SLC35F3: variants seen among roughly 807,000 people sequenced by gnomAD.
The protein encoded by SLC35F3 is putative thiamine transporter SLC35F3.
SLC35F3 carries 25 observed loss-of-function variants against 49.9 expected under a neutral mutation model. The ratio of observed to expected loss-of-function variants is 0.50; its 90% CI spans 0.37 to 0.70. The LOEUF is 0.70. Among genes scored for constraint, SLC35F3 ranks in the 30% least tolerant of loss-of-function variants. The pLI is 0.00. For synonymous variants in SLC35F3, 275 were observed against 265.4 expected, an observed-to-expected ratio of 1.04 and a Z score of -0.35; for missense variants, 525 against 639.8, an observed-to-expected ratio of 0.82 and a Z score of 1.94.
chr1:234,005,709 C>T (rs927872181), intron 2 of SLC35F3, among the ~76,000 whole-genome samples: 3 of 152,136 alleles, frequency 2.0e-5, no homozygotes, highest in Non-Finnish European at 4.4e-5. Flanking sequence ...CAGGAAGAGG[C>T]GCCCTAACCT....
At chr1:233,910,021 A>T (rs1030726720) in intron 2 of SLC35F3, among the ~76,000 whole-genome samples, 5 of 152,188 alleles carry the variant, frequency 3.3e-5, no homozygotes, top group African/African-American at 7.2e-5. Context: ...TGTCTTCTGA[A>T]GATTTGAAAG....
chr1:234,258,204 G>T (rs747254056), intron 3 of SLC35F3, among the ~76,000 whole-genome samples: 1 of 152,188 alleles, frequency 6.6e-6, no homozygotes, highest in African/African-American at 2.4e-5. Flanking sequence ...CTGATTTGTT[G>T]AGTTAAGGAT....
At chr1:234,307,671 G>A (rs958425063) in intron 3 of SLC35F3, among the ~76,000 whole-genome samples, 6 of 152,194 alleles carry the variant, frequency 3.9e-5, no homozygotes, top group East Asian at 3.9e-4. Context: ...TTTTGTTCTC[G>A]TGGCAGTTCA....
At chr1:233,921,566 C>T (rs1662059919) in intron 2 of SLC35F3, among the ~76,000 whole-genome samples, 1 of 152,194 alleles carries the variant, frequency 6.6e-6, no homozygotes, top group African/African-American at 2.4e-5. Flanking sequence ...TCCCCTCAAA[C>T]CCTCTCTGGC....
chr1:234,185,413 T>C (rs771246163), intron 2 of SLC35F3, among the ~76,000 whole-genome samples: 3 of 152,352 alleles, frequency 2.0e-5, no homozygotes, highest in Non-Finnish European at 4.4e-5. Flanking sequence ...GAAAAGTGAA[T>C]GTTCTAGGAG....
chr1:233,915,912 A>G (rs1661961091), intron 2 of SLC35F3, among the ~76,000 whole-genome samples: 1 of 152,192 alleles, frequency 6.6e-6, no homozygotes, highest in South Asian at 2.1e-4. Flanking sequence ...TCCCTCCCAC[A>G]ACATGTGGGA....
intron 2 of SLC35F3, among the ~76,000 whole-genome samples, chr1:234,017,257 A>G (rs940694448): frequency 1.3e-5 from 2 of 152,172 alleles, no homozygotes; most frequent in Admixed American, 1.3e-4. Flanking sequence ...AATAATTCTC[A>G]TTATTCAAGT....
chr1:234,129,290 G>A (rs531835188), intron 2 of SLC35F3, among the ~76,000 whole-genome samples: 4 of 152,276 alleles, frequency 2.6e-5, no homozygotes, highest in African/African-American at 9.6e-5. Context: ...AATGAGATGT[G>A]TATACCTTTA....
At chr1:233,944,076 T>C (rs1458876283) in intron 2 of SLC35F3, among the ~76,000 whole-genome samples, 1 of 152,042 alleles carries the variant, frequency 6.6e-6, no homozygotes, top group Non-Finnish European at 1.5e-5. Flanking sequence ...AAATGCCCTA[T>C]CCAAAAGCTA....
rs561768407 is a variant in SLC35F3, at chr1:234,209,215, A to G, written c.284-22202A>G. On this transcript the variant is annotated intron_variant, in intron 2 of 7. Coordinates refer to ENST00000366618, the MANE Select transcript of SLC35F3 (RefSeq NM_173508.4). ...TTGCCATTGATATGTCAGGGGTCTCAGCTCTCTTTTTTGGAAGAATTATTA... is the reference window on the plus strand; with the variant it reads ...TTGCCATTGATATGTCAGGGGTCTCGGCTCTCTTTTTTGGAAGAATTATTA... Among the ~76,000 whole-genome samples the G allele has an allele frequency of 4.2e-3, 639 of 152,302 alleles. 6 individuals are homozygous for G. The highest frequency in any genetic ancestry group is 5.9e-3 in the Non-Finnish European group (398 of 68,022).
intron 2 of SLC35F3, among the ~76,000 whole-genome samples, chr1:233,972,458 G>A (rs1166813675): frequency 2.0e-5 from 3 of 152,170 alleles, no homozygotes; most frequent in African/African-American, 7.2e-5. Context: ...GCACAGCTGG[G>A]ATTGAGTCCT....
intron 2 of SLC35F3, among the ~76,000 whole-genome samples, chr1:233,967,494 A>G (rs1042766487): frequency 1.6e-4 from 24 of 152,202 alleles, no homozygotes; most frequent in Non-Finnish European, 4.4e-5. Flanking sequence ...AGGAAATGTA[A>G]AATAAATTTG....
At chr1:234,261,187 CAAGA>C (rs1667898840) in intron 3 of SLC35F3, among the ~76,000 whole-genome samples, 1 of 151,732 alleles carries the variant, frequency 6.6e-6, no homozygotes, top group East Asian at 1.9e-4. Context: ...GGATCTCATG[CAAGA>C]AAGAATTAGA....
intron 2 of SLC35F3, among the ~76,000 whole-genome samples, chr1:233,994,053 C>T (rs190368295): frequency 1.3e-5 from 2 of 152,266 alleles, no homozygotes; most frequent in East Asian, 3.9e-4. Context: ...ACCGTGCAAT[C>T]TGAGAATTAG....
At chr1:234,164,982 CT>C (rs1666291399) in intron 2 of SLC35F3, among the ~76,000 whole-genome samples, 1 of 149,570 alleles carries the variant, frequency 6.7e-6, no homozygotes, top group Non-Finnish European at 1.5e-5. Flanking sequence ...GTTGGGACTG[CT>C]TTGGTGAAAG....
chr1:234,034,567 C>G (rs1664111813), intron 2 of SLC35F3, among the ~76,000 whole-genome samples: 1 of 152,164 alleles, frequency 6.6e-6, no homozygotes, highest in South Asian at 2.1e-4. Context: ...GTCGCCTAGG[C>G]TGGAGTGCAG....
At chr1:234,053,633 C>G (rs2102858821) in intron 2 of SLC35F3, among the ~76,000 whole-genome samples, 2 of 152,174 alleles carry the variant, frequency 1.3e-5, no homozygotes, top group Middle Eastern at 6.8e-3. Flanking sequence ...GGCATTTAGC[C>G]CATTTACATT....
At chr1:233,912,684 C>T (rs531732633) in intron 2 of SLC35F3, among the ~76,000 whole-genome samples, 4 of 152,236 alleles carry the variant, frequency 2.6e-5, no homozygotes, top group South Asian at 4.2e-4. Context: ...GAGCAGGTGG[C>T]GTAGACAGCG....
intron 2 of SLC35F3, among the ~76,000 whole-genome samples, chr1:233,955,493 G>T (rs1043835339): frequency 1.3e-5 from 2 of 152,060 alleles, no homozygotes; most frequent in African/African-American, 4.8e-5. Flanking sequence ...TGGACACTTC[G>T]GTTGCTCCTA....
Sources: gnomAD v4.1 joint callset for allele counts (sites outside exome capture counted in the v4.1 genomes callset) on GRCh38, gnomAD v4.1.1 for gene constraint, MANE v1.5 for transcripts, NCBI Gene and HGNC (gene_info 2026-07-23, HGNC 2026-07-21) for gene names.